The following SLX4 variants were observed in gnomAD, a reference collection of about 807,000 sequenced individuals.
SLX4 encodes the protein SLX4 structure-specific endonuclease subunit, also known as structure-specific endonuclease subunit SLX4.
A neutral mutation model predicts 146.2 loss-of-function variants in SLX4; 112 were observed. The observed-to-expected ratio is 0.77, with a 90% CI of 0.66 to 0.90. The LOEUF is 0.90. Among genes scored for constraint, SLX4 ranks in the 40% least tolerant of loss-of-function variants. SLX4 has a pLI of 0.00. For missense variants in SLX4, 2,563 were observed against 2,392.7 expected (o/e 1.07, Z -1.49); for synonymous variants, 1,061 against 997.7 (o/e 1.06, Z -1.20).
In SLX4 at chr16:3,595,899, G is replaced by T. The variant is rs555668585; in HGVS notation, c.1925-206C>A. On this transcript the variant is annotated intron_variant, in intron 8 of 14. Transcript: ENST00000294008. ...AGGTAAGAGAAGAGCAAAACAGACA[G>T]TTCACCCAGAGGATTCACTCGCTGT... Among the ~76,000 whole-genome samples the T allele has an allele frequency of 5.3e-5, 8 of 152,352 alleles. No individual in the cohort carries two copies. In the East Asian group the frequency reaches 9.6e-4, roughly 18 times the overall value.
rs773937495 is a variant in SLX4, at chr16:3,589,635, CG to C, written c.4002del (p.Asp1334GlufsTer41). Reference sequence around the variant, plus strand: ...GGGCTTCTGTGGCCTTGCCTTCTGCCGTCAGAAGTTCCTGGAGAGACGGGAG... The same window carrying C: ...GGGCTTCTGTGGCCTTGCCTTCTGCCTCAGAAGTTCCTGGAGAGACGGGAG... ...CLTPVSPGTSDGRRQGHRSPS... is the reference protein window; with the variant it reads ...CLTPVSPGTSXGRRQGHRSPS... On this transcript the variant is annotated frameshift_variant, in exon 12 of 15. Transcript: ENST00000294008. LOFTEE classifies it high-confidence loss of function. This position sits in a 1 kb window ranked among gnomAD's most constrained non-coding sequence, Gnocchi z 6.2. The C allele has an allele frequency of 6.2e-7, 1 of 1,613,978 alleles. No individual in the cohort carries two copies. Among genetic ancestry groups the C allele is most frequent in the Non-Finnish European group, 8.5e-7 (1 of 1,180,038 alleles).
chr16:3,590,838 G>A lies in SLX4; in HGVS notation c.2800C>T (p.Gln934Ter). 6.2e-7 allele frequency: 1 copy of A among 1,614,086 alleles called. No individual in the cohort carries two copies. ...TCTGCTCCCCGTGCCCCTGAGTGCT[G>A]GCCCTGGGGTGGCGGGAGAGCGCAC... Reference protein sequence around the residue: ...GQCALPPPQGQHSGARGAEAP... With the variant: ...GQCALPPPQG The change falls in exon 12 of 15, where the codon CAG becomes TAG. Residue 934 changes from glutamine to a stop codon, truncating the protein, a stop_gained. Transcript: ENST00000294008. LOFTEE classifies it high-confidence loss of function. The surrounding 1 kb of genome is among the most constrained non-coding windows in gnomAD (Gnocchi z 4.8).
Position 3,584,982 on chromosome 16 carries a change from T to G in SLX4, c.4637-111A>C, listed in dbSNP as rs929191787. ...AATGCACTTGAAGATAACCCAAGCA[T>G]CGTTTTGCTCCATGAAAGCAACAGT... On this transcript the variant is annotated intron_variant, in intron 12 of 14. Coordinates refer to ENST00000294008, the MANE Select transcript of SLX4 (RefSeq NM_032444.4). 5.0e-5 allele frequency: 43 copies of G among 860,878 alleles called. No homozygotes were observed. In the African/African-American group the frequency reaches 6.3e-4, roughly 13 times the overall value. The allele number at this position is 860,878 out of a possible 1,614,324, so 53.3% of individuals were successfully genotyped here. A position where few individuals can be genotyped will look rare whatever the true frequency, so the allele number is the denominator to read the frequency against.
chr16:3,597,840 G>C lies in SLX4; in HGVS notation c.1323C>G (p.Leu441=). 1 of 1,614,120 alleles carries C rather than the reference G, an allele frequency of 6.2e-7. No homozygotes were observed. The highest frequency in any genetic ancestry group is 8.5e-7 in the Non-Finnish European group (1 of 1,180,030). ...EMEPGAAVPA[L]RLESAFSERI... is the part of the protein sequence containing the mutation. ...TCTCAGAAAAGGCACTTTCCAGCCT[G>C]AGCGCTGGTACAGCCGCACCCGGCT... The change falls in exon 6 of 15, where the codon CTC becomes CTG. Residue 441 remains leucine, a synonymous_variant. Coordinates refer to ENST00000294008, the MANE Select transcript of SLX4 (RefSeq NM_032444.4). The surrounding 1 kb of genome is among the most constrained non-coding windows in gnomAD (Gnocchi z 4.4).
chr16:3,598,701 C>T (rs1018589124), intron 5 of SLX4, among the ~76,000 whole-genome samples: 4 of 152,202 alleles, frequency 2.6e-5, no homozygotes, highest in Non-Finnish European at 4.4e-5. Context: ...TGCAGTCATG[C>T]CTCTGGCTTT....
intron 3 of SLX4, among the ~76,000 whole-genome samples, chr16:3,604,233 A>G (rs1223484432): frequency 2.0e-5 from 3 of 152,066 alleles, no homozygotes; most frequent in Non-Finnish European, 1.5e-5. Context: ...AAAAAAAAAA[A>G]AAGTCAGTGT....
In SLX4 at chr16:3,597,155, A is replaced by G. The variant is rs905454792; in HGVS notation, c.1683+224T>C. ...CATTTTCAACAAACTCCAGGAACAC[A>G]CTCTGGTGGACACCAAGGGTCCTCC... On this transcript the variant is annotated intron_variant, in intron 7 of 14. Coordinates refer to ENST00000294008, the MANE Select transcript of SLX4 (RefSeq NM_032444.4). This position sits in a 1 kb window ranked among gnomAD's most constrained non-coding sequence, Gnocchi z 4.4. 6.6e-6 allele frequency among the ~76,000 whole-genome samples: 1 copy of G among 151,860 alleles called. No individual in the cohort carries two copies. The highest frequency in any genetic ancestry group is 2.4e-5 in the African/African-American group (1 of 41,328).
chr16:3,587,896 C>G (rs906685131), intron 12 of SLX4, among the ~76,000 whole-genome samples: 9 of 151,170 alleles, frequency 6.0e-5, no homozygotes, highest in African/African-American at 2.2e-4. Context: ...TCAGCCCAGC[C>G]CGGCCTGTCC....
chr16:3,582,305 G>T lies in SLX4; in HGVS notation c.*37C>A. ...CCTGCAAATGGCGGGGGTGGGGGCTGCTGATGGCAGGTTGGGGTGGGGTCG... is the reference window on the plus strand; with the variant it reads ...CCTGCAAATGGCGGGGGTGGGGGCTTCTGATGGCAGGTTGGGGTGGGGTCG... On this transcript the variant is annotated 3_prime_UTR_variant, in exon 15 of 15. Coordinates refer to ENST00000294008, the MANE Select transcript of SLX4 (RefSeq NM_032444.4). The T allele has an allele frequency of 6.3e-7, 1 of 1,578,796 alleles. No individual in the cohort carries two copies.
chr16:3,582,869 C>T (rs1293255710), intron 14 of SLX4, among the ~76,000 whole-genome samples, 176 bp from the exon 15 acceptor site: 1 of 152,196 alleles, frequency 6.6e-6, no homozygotes, highest in Non-Finnish European at 1.5e-5. Flanking sequence ...CAGCGGGATC[C>T]TGCCCCAGCC....
chr16:3,582,463 C>T lies in SLX4; in HGVS notation c.5384G>A (p.Arg1795His), dbSNP rs926700658. The change falls in exon 15 of 15, where the codon CGC becomes CAC. Residue 1795 changes from arginine to histidine, a missense_variant. Arg to His is a conservative substitution (Grantham distance 29). Coordinates refer to ENST00000294008, the MANE Select transcript of SLX4 (RefSeq NM_032444.4). ...GGTGTCCAGGAAGTCCAACAGCCTG[C>T]GCGAGGACACACGGAGGCCGTTCTG... ...LRQNGLRVSS[R>H]RLLDFLDTHC... The T allele has an allele frequency of 3.7e-5, 59 of 1,613,896 alleles. No individual in the cohort carries two copies. Among genetic ancestry groups the T allele is most frequent in the Non-Finnish European group, 4.7e-5 (56 of 1,180,040 alleles).
Position 3,589,737 on chromosome 16 carries a change from C to G in SLX4, c.3901G>C (p.Gly1301Arg). ...TPRASVGNRE[G>R]NEVAQKFSVI... The stretch of plus-strand genomic sequence containing the variant: ...GAAAACTTCTGTGCGACTTCGTTCC[C>G]TTCCCTGTTTCCTACTGAGGCCCTG... The change falls in exon 12 of 15, where the codon GGG (glycine) becomes CGG (arginine). Residue 1301 changes from glycine to arginine, a missense_variant. Transcript: ENST00000294008. This position sits in a 1 kb window ranked among gnomAD's most constrained non-coding sequence, Gnocchi z 6.2. 1 of 1,613,920 alleles carries G rather than the reference C, an allele frequency of 6.2e-7. No homozygotes were observed. The highest frequency in any genetic ancestry group is 8.5e-7 in the Non-Finnish European group (1 of 1,180,048).
chr16:3,589,197 T>G lies in SLX4; in HGVS notation c.4441A>C (p.Ser1481Arg). 1 of 1,614,010 alleles carries G rather than the reference T, an allele frequency of 6.2e-7. No homozygotes were observed. The highest frequency in any genetic ancestry group is 8.5e-7 in the Non-Finnish European group (1 of 1,179,930). The change falls in exon 12 of 15, where the codon AGC (serine) becomes CGC (arginine). Residue 1481 changes from serine to arginine, a missense_variant. By Grantham distance (110) the Ser-to-Arg change is moderately radical (BLOSUM62 -1). Coordinates refer to ENST00000294008, the MANE Select transcript of SLX4 (RefSeq NM_032444.4). The surrounding 1 kb of genome is among the most constrained non-coding windows in gnomAD (Gnocchi z 6.2). Reference protein sequence around the residue: ...GLLDTTPIRGSCTTQRKLQEK... With the variant: ...GLLDTTPIRGRCTTQRKLQEK... The stretch of plus-strand genomic sequence containing the variant: ...TGCAATTTCCTCTGGGTAGTGCAGC[T>G]TCCTCGGATGGGGGTGGTGTCCAGG...
rs544863821 is a variant in SLX4, at chr16:3,601,572, T to G, written c.951-381A>C. On this transcript the variant is annotated intron_variant, in intron 4 of 14. Coordinates refer to ENST00000294008, the MANE Select transcript of SLX4 (RefSeq NM_032444.4). ...AAATGTCCGCCAATGGACGAAAGGATAAACCATGGTCATATTCCTCATCTA... is the reference window on the plus strand; with the variant it reads ...AAATGTCCGCCAATGGACGAAAGGAGAAACCATGGTCATATTCCTCATCTA... The G allele has an allele frequency of 1.1e-4, 40 of 350,380 alleles. 1 individual carries two copies. The highest frequency in any genetic ancestry group is 2.7e-4 in the South Asian group (11 of 41,044). 21.7% of individuals were successfully genotyped at this position (350,380 alleles called of 1,614,324 possible).
chr16:3,599,184 A>C (rs1022589811), intron 5 of SLX4, among the ~76,000 whole-genome samples: 1 of 152,186 alleles, frequency 6.6e-6, no homozygotes, highest in Non-Finnish European at 1.5e-5. Flanking sequence ...CTGCCATGCT[A>C]AATACAGATG....
At chr16:3,596,482 G>A in intron 7 of SLX4, 89 bp from the exon 8 acceptor site, 1 of 1,439,714 alleles carries the variant, frequency 6.9e-7, no homozygotes, top group Non-Finnish European at 9.3e-7. Context: ...ATGCACGGCT[G>A]GACCTAAAAC....
In SLX4 at chr16:3,582,663, A is replaced by AG; in HGVS notation, c.5183_5184insC (p.Glu1729Ter). 1 of 1,613,002 alleles carries AG rather than the reference A, an allele frequency of 6.2e-7. No homozygotes were observed. Among genetic ancestry groups the AG allele is most frequent in the Non-Finnish European group, 8.5e-7 (1 of 1,179,944 alleles). The stretch of plus-strand genomic sequence containing the variant: ...CGCCCTCCTCTTCACCTGCAGACTC[A>AG]AATGCCGCTCCAAACTCACAGGAGG... On this transcript the variant is annotated frameshift_variant, in exon 15 of 15. Coordinates refer to ENST00000294008, the MANE Select transcript of SLX4 (RefSeq NM_032444.4). LOFTEE classifies it low-confidence loss of function (END_TRUNC).
chr16:3,608,005 T>C (rs533910820), intron 2 of SLX4, among the ~76,000 whole-genome samples: 8 of 152,334 alleles, frequency 5.3e-5, no homozygotes, highest in Non-Finnish European at 7.3e-5. Context: ...ACACGGGTTA[T>C]GTTTTTCTTG....
At chr16:3,591,463 T>G (rs2040595623) in intron 11 of SLX4, among the ~76,000 whole-genome samples, 153 bp from the exon 12 acceptor site, 1 of 152,188 alleles carries the variant, frequency 6.6e-6, no homozygotes, top group Non-Finnish European at 1.5e-5. Context: ...CCACACTCCT[T>G]GCCAGAAACA....
Sources: allele counts gnomAD v4.1 joint callset (sites outside exome capture counted in the v4.1 genomes callset), GRCh38; gene constraint gnomAD v4.1.1; non-coding constraint Gnocchi (gnomAD v3.1); transcripts MANE v1.5; gene names NCBI Gene and HGNC (gene_info 2026-07-23, HGNC 2026-07-21).